Variants in SP4 observed in about 807,000 individuals in gnomAD.
SP4 encodes the protein transcription factor Sp4.
In SP4, 19 loss-of-function variants were observed where a neutral mutation model predicts 72.8. That is an observed-to-expected ratio of 0.26 (90% CI 0.18 to 0.38). SP4 has a LOEUF of 0.38. Ranked by LOEUF, SP4 falls within the 10% of genes least tolerant of loss-of-function variation. SP4 has a pLI of 1.00. For missense variants in SP4, 1,008 were observed against 926.3 expected, an observed-to-expected ratio of 1.09 and a Z score of -1.14; for synonymous variants, 395 against 333.1, an observed-to-expected ratio of 1.19 and a Z score of -2.02.
intron 3 of SP4, among the ~76,000 whole-genome samples, chr7:21,450,954 C>T (rs575305874): frequency 1.1e-4 from 17 of 152,216 alleles, no homozygotes; most frequent in Non-Finnish European, 1.8e-4. Flanking sequence ...GCCAAGCGGG[C>T]GACATGAGAG....
At chr7:21,509,080 T>TG (rs1286919181) in intron 5 of SP4, among the ~76,000 whole-genome samples, 2 of 152,152 alleles carry the variant, frequency 1.3e-5, no homozygotes, top group Admixed American at 1.3e-4. Context: ...TTCATTTTAC[T>TG]GTCTTATATG....
intron 2 of SP4, 124 bp from the exon 3 acceptor site, chr7:21,429,165 G>T (rs1242890294): frequency 1.7e-6 from 1 of 601,054 alleles, no homozygotes; most frequent in Non-Finnish European, 2.9e-6. Context: ...TTTGATTTCT[G>T]CTGCTTCCTA....
intron 3 of SP4, among the ~76,000 whole-genome samples, chr7:21,446,029 T>TGC (rs1554295142): frequency 2.4e-4 from 33 of 140,124 alleles, no homozygotes; most frequent in Non-Finnish European, 4.7e-4. Flanking sequence ...TGTGTGTGTG[T>TGC]GCACGCATAT....
chr7:21,500,813 A>G lies in SP4; in HGVS notation c.2108-10209A>G, dbSNP rs114454713. Among the ~76,000 whole-genome samples the G allele has an allele frequency of 8.3e-3, 1,264 of 152,314 alleles. 17 individuals are homozygous for G. Among genetic ancestry groups the G allele is most frequent in the African/African-American group, 0.028 (1,147 of 41,556 alleles). Reference sequence around the variant, plus strand: ...TACGCACTACTGGATAATTCAGAATAATATCCCTATATTAAGCTCCATAAC... The same window carrying G: ...TACGCACTACTGGATAATTCAGAATGATATCCCTATATTAAGCTCCATAAC... On this transcript the variant is annotated intron_variant, in intron 5 of 5. Coordinates refer to ENST00000222584, the MANE Select transcript of SP4 (RefSeq NM_003112.5).
intron 3 of SP4, among the ~76,000 whole-genome samples, chr7:21,463,211 G>A (rs1173955930): frequency 6.6e-6 from 1 of 152,020 alleles, no homozygotes; most frequent in Admixed American, 6.6e-5. Flanking sequence ...ATACTTTTGG[G>A]TGACTTCTCA....
intron 3 of SP4, among the ~76,000 whole-genome samples, chr7:21,452,832 G>C (rs1231286868): frequency 6.6e-6 from 1 of 150,824 alleles, no homozygotes; most frequent in Admixed American, 6.6e-5. Flanking sequence ...ACCCAGGCTG[G>C]AGTGCAGTGG....
intron 3 of SP4, among the ~76,000 whole-genome samples, chr7:21,440,677 T>C (rs773377385): frequency 3.3e-5 from 5 of 152,030 alleles, no homozygotes; most frequent in Non-Finnish European, 5.9e-5. Flanking sequence ...TGGTGAAACC[T>C]GTCTCTACTA....
chr7:21,502,045 C>CCGG (rs1554301410), intron 5 of SP4, among the ~76,000 whole-genome samples: 1 of 111,290 alleles, frequency 9.0e-6, no homozygotes, highest in Non-Finnish European at 1.8e-5. Context: ...TAGGCACCCC[C>CCGG]CCCCCCCCGG....
At chr7:21,470,782 AG>A (rs1474709989) in intron 3 of SP4, among the ~76,000 whole-genome samples, 4 of 151,750 alleles carry the variant, frequency 2.6e-5, no homozygotes, top group Admixed American at 2.0e-4. Context: ...AGAACAAAAA[AG>A]GAATAAGAAA....
chr7:21,499,814 C>T (rs1781819574), intron 5 of SP4, among the ~76,000 whole-genome samples: 2 of 152,232 alleles, frequency 1.3e-5, no homozygotes, highest in South Asian at 4.2e-4. Flanking sequence ...AAGTATGTTT[C>T]ATACATTGTC....
At chr7:21,469,383 T>C (rs1388314315) in intron 3 of SP4, among the ~76,000 whole-genome samples, 1 of 36,586 alleles carries the variant, frequency 2.7e-5, no homozygotes, top group East Asian at 3.3e-4. Flanking sequence ...CATTTCCTCA[T>C]TCATAGTTTT....
At chr7:21,500,816 A>G (rs1781844330) in intron 5 of SP4, among the ~76,000 whole-genome samples, 1 of 152,214 alleles carries the variant, frequency 6.6e-6, no homozygotes, top group Non-Finnish European at 1.5e-5. Flanking sequence ...TCAGAATAAT[A>G]TCCCTATATT....
chr7:21,446,312 C>T (rs894228010), intron 3 of SP4, among the ~76,000 whole-genome samples: 2 of 152,122 alleles, frequency 1.3e-5, no homozygotes, highest in Non-Finnish European at 2.9e-5. Context: ...AGACAGTTTT[C>T]AGCACTTTAA....
In SP4 at chr7:21,478,404, G is replaced by A. The variant is rs147713420; in HGVS notation, c.1907+1097G>A. Among the ~76,000 whole-genome samples, 594 of 152,202 alleles carry A rather than the reference G, an allele frequency of 3.9e-3. 1 individual carries two copies. Among genetic ancestry groups the A allele is most frequent in the African/African-American group, 0.013 (528 of 41,516 alleles). On this transcript the variant is annotated intron_variant, in intron 4 of 5. Coordinates refer to ENST00000222584, the MANE Select transcript of SP4 (RefSeq NM_003112.5). ...AAATTACCTAGAAATGGATTTTTGG[G>A]TCATATTGTAATTCTATGTTTAACC... is the stretch of plus-strand genomic sequence containing the variant.
chr7:21,432,171 T>C (rs189728165), intron 3 of SP4, among the ~76,000 whole-genome samples: 1 of 152,338 alleles, frequency 6.6e-6, no homozygotes, highest in Admixed American at 6.5e-5. Context: ...TTAATTTAAG[T>C]AGCCACATGT....
At chr7:21,472,358 C>T (rs1160281059) in intron 3 of SP4, among the ~76,000 whole-genome samples, 1 of 151,988 alleles carries the variant, frequency 6.6e-6, no homozygotes, top group African/African-American at 2.4e-5. Flanking sequence ...CATCACGGCT[C>T]ACTGAAGTCT....
chr7:21,448,578 GCTTTCACAAGC>G (rs1186021686), intron 3 of SP4, among the ~76,000 whole-genome samples: 1 of 152,108 alleles, frequency 6.6e-6, no homozygotes, highest in African/African-American at 2.4e-5. Context: ...ATCTCCTTTA[GCTTTCACAAGC>G]CTCAGTAATA....
At chr7:21,476,116 CA>C (rs1158259497) in intron 3 of SP4, among the ~76,000 whole-genome samples, 2 of 151,106 alleles carry the variant, frequency 1.3e-5, no homozygotes, top group South Asian at 2.1e-4. Flanking sequence ...ACTAAAAATA[CA>C]AAAAAAATTA....
At chr7:21,483,970 T>C (rs1784752171) in intron 5 of SP4, among the ~76,000 whole-genome samples, 1 of 151,886 alleles carries the variant, frequency 6.6e-6, no homozygotes, top group South Asian at 2.1e-4. Context: ...CATTTCTAAA[T>C]CAGCTGCTAT....
Sources: gnomAD v4.1 joint callset for allele counts (sites outside exome capture counted in the v4.1 genomes callset) on GRCh38, gnomAD v4.1.1 for gene constraint, MANE v1.5 for transcripts, NCBI Gene and HGNC (gene_info 2026-07-23, HGNC 2026-07-21) for gene names.